Variants in ZNF557 observed in about 807,000 individuals in gnomAD.
The protein encoded by ZNF557 is zinc finger protein 557.
Under a neutral mutation model 21.2 loss-of-function variants are expected in ZNF557, and 19 were observed. That is an observed-to-expected ratio of 0.90 (90% CI 0.63 to 1.32). The LOEUF is 1.32. Among genes scored for constraint, ZNF557 ranks in the 40% most tolerant of loss-of-function variants. The pLI, the probability that ZNF557 is intolerant of heterozygous loss-of-function variation, is 0.00. For missense variants in ZNF557, 487 were observed against 519.8 expected (o/e 0.94, Z 0.61); for synonymous variants, 207 against 194.8 (o/e 1.06, Z -0.52).
intron 2 of ZNF557, among the ~76,000 whole-genome samples, chr19:7,072,423 AAAAT>A (rs1163517529): frequency 3.3e-5 from 5 of 152,184 alleles, no homozygotes; most frequent in Non-Finnish European, 5.9e-5. Context: ...AGACTGTCTC[AAAAT>A]AAATACATAA....
In ZNF557 at chr19:7,075,686, A is replaced by G. The variant is rs1183013048; in HGVS notation, c.63A>G (p.Arg21=). 1.2e-6 allele frequency: 2 copies of G among 1,610,806 alleles called. No individual in the cohort carries two copies. The highest frequency in any genetic ancestry group is 4.7e-5 in the East Asian group (2 of 42,328). ...ALSSLFPASQ[R]EGHTEGGELV... ...CTTCCCTGTTCCCAGCCTCTCAGCG[A>G]GAAGGACACACAGAGGGCGGAGAGC... is the stretch of plus-strand genomic sequence containing the variant. Residue 21 remains arginine, a synonymous_variant, in exon 4 of 8, where the codon CGA becomes CGG. Transcript: ENST00000252840.
chr19:7,081,353 T>G lies in ZNF557; in HGVS notation c.248-7T>G, dbSNP rs749340507. On this transcript the variant is annotated splice_polypyrimidine_tract_variant and splice_region_variant and intron_variant, in intron 5 of 7. Coordinates refer to ENST00000252840, the MANE Select transcript of ZNF557 (RefSeq NM_024341.3). Reference sequence around the variant, plus strand: ...CCCTACATCATGTGTCTTTTCTCCATGTACAGGGAACCAAGTTGATAAACC... The same window carrying G: ...CCCTACATCATGTGTCTTTTCTCCAGGTACAGGGAACCAAGTTGATAAACC... 14 of 1,607,512 alleles carry G rather than the reference T, an allele frequency of 8.7e-6. No homozygotes were observed. Among genetic ancestry groups the G allele is most frequent in the Non-Finnish European group, 1.2e-5 (14 of 1,174,184 alleles).
intron 2 of ZNF557, among the ~76,000 whole-genome samples, chr19:7,074,670 T>A (rs1454694716): frequency 6.8e-6 from 1 of 147,616 alleles, no homozygotes; most frequent in African/African-American, 2.5e-5. Flanking sequence ...GGTAGTGACA[T>A]CTGAGCTGGG....
chr19:7,076,269 C>G (rs948120554), intron 4 of ZNF557, 112 bp from the exon 5 acceptor site: 4 of 1,606,328 alleles, frequency 2.5e-6, no homozygotes, highest in South Asian at 2.2e-5. Flanking sequence ...AGAATCCCCC[C>G]ACATCTCGTG....
chr19:7,082,001 A>T lies in ZNF557; in HGVS notation c.375A>T (p.Leu125Phe), dbSNP rs1347162304. The part of the protein sequence containing the change: ...DVENPFKAKG[L>F]TPKLHVFRKE... ...AGAATCCATTTAAAGCCAAAGGGTT[A>T]ACTCCTAAGCTGCATGTTTTTCGAA... Residue 125 changes from leucine (L) to phenylalanine (F), a missense_variant, in exon 7 of 8, where the codon TTA (leucine) becomes TTT (phenylalanine). By Grantham distance (22) the Leu-to-Phe change is conservative. Transcript: ENST00000252840. 1 of 1,613,952 alleles carries T rather than the reference A, an allele frequency of 6.2e-7. No individual in the cohort carries two copies. Among genetic ancestry groups the T allele is most frequent in the Non-Finnish European group, 8.5e-7 (1 of 1,179,908 alleles).
rs747986471 is a variant in ZNF557, at chr19:7,082,042, A to G, written c.416A>G (p.Asn139Ser). Residue 139 changes from asparagine to serine, a missense_variant, in exon 7 of 8, where the codon AAT becomes AGT. By Grantham distance (46) the Asn-to-Ser change is conservative. Coordinates refer to ENST00000252840, the MANE Select transcript of ZNF557 (RefSeq NM_024341.3). ...LHVFRKEQSR[N>S]MKMERNHLGA... The stretch of plus-strand genomic sequence containing the variant: ...GTTTTTCGAAAAGAACAATCTAGAA[A>G]TATGAAAATGGTAAGACTAACATGG... 3 of 1,613,362 alleles carry G rather than the reference A, an allele frequency of 1.9e-6. No individual in the cohort carries two copies. The highest frequency in any genetic ancestry group is 2.5e-6 in the Non-Finnish European group (3 of 1,179,298).
intron 2 of ZNF557, among the ~76,000 whole-genome samples, chr19:7,073,142 T>TTTG (rs1281424582): frequency 1.1e-5 from 1 of 87,192 alleles, no homozygotes; most frequent in African/African-American, 4.4e-5. Flanking sequence ...GATATTTGTT[T>TTTG]TTTTGGTTTT....
Position 7,087,076 on chromosome 19 carries a change from T to G in ZNF557, c.*3332T>G, listed in dbSNP as rs1977868558. Reference sequence around the variant, plus strand: ...AGGCTTTCCTGAAGCTTAGACAGGCTTTATCCCACTCTGCTGGCTAAAAGA... The same window carrying G: ...AGGCTTTCCTGAAGCTTAGACAGGCGTTATCCCACTCTGCTGGCTAAAAGA... On this transcript the variant is annotated 3_prime_UTR_variant, in exon 8 of 8. Coordinates refer to ENST00000252840, the MANE Select transcript of ZNF557 (RefSeq NM_024341.3). The G allele has an allele frequency of 6.6e-6, 1 of 152,040 alleles. No individual in the cohort carries two copies. The highest frequency in any genetic ancestry group is 2.4e-5 in the African/African-American group (1 of 41,380). The allele number at this position is 152,040 out of a possible 1,614,324, so 9.4% of individuals were successfully genotyped here. A position where few individuals can be genotyped will look rare whatever the true frequency, so the allele number is the denominator to read the frequency against.
intron 5 of ZNF557, among the ~76,000 whole-genome samples, chr19:7,079,113 T>C (rs1420286011): frequency 2.0e-5 from 3 of 152,164 alleles, no homozygotes; most frequent in African/African-American, 4.8e-5. Flanking sequence ...TTCCATTAAC[T>C]CCTTGAGCAT....
chr19:7,074,065 A>G (rs1193327115), intron 2 of ZNF557, among the ~76,000 whole-genome samples: 2 of 148,144 alleles, frequency 1.4e-5, no homozygotes, highest in South Asian at 2.1e-4. Context: ...CAATGGTGCA[A>G]TCCCGGCTCA....
Position 7,083,274 on chromosome 19 carries a change from A to T in ZNF557, c.823A>T (p.Thr275Ser). Reference protein sequence around the residue: ...KCNQCFREFRTQSIFTRHKRV... With the variant: ...KCNQCFREFRSQSIFTRHKRV... The stretch of plus-strand genomic sequence containing the variant: ...TAACCAGTGTTTTCGTGAGTTCCGC[A>T]CTCAGTCAATCTTCACAAGGCACAA... Residue 275 changes from threonine to serine, a missense_variant, in exon 8 of 8, where the codon ACT (threonine) becomes TCT (serine). Coordinates refer to ENST00000252840, the MANE Select transcript of ZNF557 (RefSeq NM_024341.3). 1 of 1,614,190 alleles carries T rather than the reference A, an allele frequency of 6.2e-7. No individual in the cohort carries two copies. Among genetic ancestry groups the T allele is most frequent in the Non-Finnish European group, 8.5e-7 (1 of 1,180,018 alleles).
At chr19:7,077,930 G>A (rs896729956) in intron 5 of ZNF557, among the ~76,000 whole-genome samples, 5 of 151,936 alleles carry the variant, frequency 3.3e-5, no homozygotes, top group Non-Finnish European at 7.4e-5. Flanking sequence ...TCTTGTGCTT[G>A]TTGGCCATTT....
At chr19:7,073,151 T>TTTG (rs1568405629) in intron 2 of ZNF557, among the ~76,000 whole-genome samples, 48 of 69,556 alleles carry the variant, frequency 6.9e-4, no homozygotes, top group South Asian at 1.9e-3. Flanking sequence ...TTTTTTGGTT[T>TTTG]TTTTTGTTTT....
chr19:7,080,439 GC>G (rs1431563334), intron 5 of ZNF557, among the ~76,000 whole-genome samples: 6 of 152,118 alleles, frequency 3.9e-5, no homozygotes, highest in Non-Finnish European at 8.8e-5. Flanking sequence ...TGGCTGATTT[GC>G]CTTTAGATGT....
chr19:7,069,941 C>G (rs1012760146), intron 1 of ZNF557, among the ~76,000 whole-genome samples, 168 bp downstream of exon 1: 2 of 152,188 alleles, frequency 1.3e-5, no homozygotes, highest in Admixed American at 6.5e-5. Flanking sequence ...TCGTCCTCAC[C>G]CTGTCGCCCT....
At chr19:7,081,525 T>A in intron 6 of ZNF557, 70 bp downstream of exon 6, 1 of 1,005,400 alleles carries the variant, frequency 9.9e-7, no homozygotes, top group Admixed American at 2.1e-5. Context: ...TTGGGAGTAT[T>A]ATAATACATT....
intron 5 of ZNF557, among the ~76,000 whole-genome samples, chr19:7,079,239 T>G (rs1173017010): frequency 9.1e-6 from 1 of 109,658 alleles, no homozygotes; most frequent in Non-Finnish European, 1.7e-5. Flanking sequence ...ATTTTTTGTT[T>G]CTTTTTTTTT....
chr19:7,080,833 T>C (rs949239591), intron 5 of ZNF557, among the ~76,000 whole-genome samples: 2 of 152,160 alleles, frequency 1.3e-5, no homozygotes, highest in African/African-American at 4.8e-5. Flanking sequence ...TTACATACTG[T>C]TTTTGTGAAG....
At chr19:7,078,374 G>A (rs1039039859) in intron 5 of ZNF557, among the ~76,000 whole-genome samples, 4 of 151,528 alleles carry the variant, frequency 2.6e-5, no homozygotes, top group Middle Eastern at 3.5e-3. Context: ...CTGCTTTGAT[G>A]TGTAGACTTG....
Sources: allele counts gnomAD v4.1 joint callset (sites outside exome capture counted in the v4.1 genomes callset), GRCh38; gene constraint gnomAD v4.1.1; transcripts MANE v1.5; gene names NCBI Gene and HGNC (gene_info 2026-07-23, HGNC 2026-07-21).